The following ZNF469 variants were observed in gnomAD, a reference collection of about 807,000 sequenced individuals.
ZNF469 encodes zinc finger protein 469.
A neutral mutation model predicts 1.0 loss-of-function variants in ZNF469; 1 was observed. The ratio of observed to expected loss-of-function variants is 1.00; its 90% confidence interval spans 0.35 to 4.73. ZNF469 has a LOEUF of 4.73. Ranked by LOEUF, ZNF469 falls within the 30% of genes most tolerant of loss-of-function variation. The pLI is 0.16. For synonymous variants in ZNF469, 2,703 were observed against 2,363.4 expected (o/e 1.14, Z -4.17); for missense variants, 6,100 against 5,356.3 (o/e 1.14, Z -4.33).
At position 88,430,696 on chromosome 16, in the gene ZNF469, G is replaced by A; in HGVS notation, c.3226G>A (p.Ala1076Thr). 2.7e-6 allele frequency: 4 copies of A among 1,484,258 alleles called. No homozygotes were observed. In the South Asian group the frequency reaches 3.9e-5, roughly 14 times the overall value. 91.9% of individuals were successfully genotyped at this position (1,484,258 alleles called of 1,614,324 possible). A position where few individuals can be genotyped will look rare whatever the true frequency, so the allele number is the denominator to read the frequency against. Residue 1076 changes from alanine (A) to threonine (T), a missense_variant, in exon 3 of 3, where the codon GCG becomes ACG. Transcript: ENST00000565624. The stretch of plus-strand genomic sequence containing the variant: ...GCGGGCGGGCAGGTGCGGCTCCCTG[G>A]CGGCGGGGAGGCCCCGGCCCGGAGC... ...GRRAGRCGSLAAGRPRPGAED... is the reference protein window; with the variant it reads ...GRRAGRCGSLTAGRPRPGAED...
At chr16:88,347,971 CAG>C in the ZNF469 span, among the ~76,000 whole-genome samples, 4 of 152,232 alleles carry the variant, frequency 2.6e-5, no homozygotes, top group African/African-American at 9.6e-5. Flanking sequence ...CGCCAGGTGT[CAG>C]GAGCCCAGAG....
chr16:88,305,544 A>G, the ZNF469 span, among the ~76,000 whole-genome samples: 7 of 143,042 alleles, frequency 4.9e-5, no homozygotes, highest in African/African-American at 1.6e-4. Flanking sequence ...ACAGGCACAC[A>G]TGTGTGCACA....
chr16:88,141,243 A>G, the ZNF469 span, among the ~76,000 whole-genome samples: 1 of 152,270 alleles, frequency 6.6e-6, no homozygotes, highest in African/African-American at 2.4e-5. Flanking sequence ...CAAAAAGGAC[A>G]AGATGGACGT....
At chr16:88,390,273 G>A (rs907715369) in intron 1 of ZNF469, among the ~76,000 whole-genome samples, 10 of 152,128 alleles carry the variant, frequency 6.6e-5, no homozygotes, top group East Asian at 1.9e-4. Flanking sequence ...ACCTTCCCCA[G>A]TTCTGGATAC....
At chr16:88,284,753 C>A in the ZNF469 span, among the ~76,000 whole-genome samples, 52 of 152,214 alleles carry the variant, frequency 3.4e-4, no homozygotes, top group Non-Finnish European at 7.1e-4. Context: ...CAGGCACACT[C>A]CGCCGTGCCC....
At chr16:88,294,383 A>ACTGT in the ZNF469 span, among the ~76,000 whole-genome samples, 1 of 152,136 alleles carries the variant, frequency 6.6e-6, no homozygotes, top group African/African-American at 2.4e-5. Context: ...GTGCTGTCTT[A>ACTGT]CTGTCTCCTC....
In ZNF469 at chr16:88,440,293, G is replaced by A. The variant is rs1906909503; in HGVS notation, c.*961G>A. The A allele has an allele frequency of 6.6e-6, 1 of 152,084 alleles. No homozygotes were observed. The highest frequency in any genetic ancestry group is 6.5e-5 in the Admixed American group (1 of 15,278). 9.4% of individuals were successfully genotyped at this position (152,084 alleles called of 1,614,324 possible). A position where few individuals can be genotyped will look rare whatever the true frequency, so the allele number is the denominator to read the frequency against. ...GCACCTGCATGGCGGCGCTCTCCCT[G>A]CCTCCCCTGCCGGGCTGCAAGCCTG... On this transcript the variant is annotated 3_prime_UTR_variant, in exon 3 of 3. Coordinates refer to ENST00000565624, the MANE Select transcript of ZNF469 (RefSeq NM_001367624.2).
At chr16:88,317,702 C>T in the ZNF469 span, among the ~76,000 whole-genome samples, 1 of 152,220 alleles carries the variant, frequency 6.6e-6, no homozygotes, top group Non-Finnish European at 1.5e-5. Context: ...TCCTCTCAAC[C>T]ACAGGAAGTC....
At chr16:88,120,876 C>T in the ZNF469 span, among the ~76,000 whole-genome samples, 2 of 152,158 alleles carry the variant, frequency 1.3e-5, no homozygotes, top group African/African-American at 2.4e-5. Context: ...CCACTGGAGC[C>T]GCCTGACCTC....
At chr16:88,132,582 C>T in the ZNF469 span, among the ~76,000 whole-genome samples, 2 of 152,238 alleles carry the variant, frequency 1.3e-5, no homozygotes, top group Non-Finnish European at 2.9e-5. Context: ...AGCTCTGCTA[C>T]CGTCAGGAAA....
At chr16:88,422,775 GAT>G in intron 1 of ZNF469, among the ~76,000 whole-genome samples, 3 of 142,920 alleles carry the variant, frequency 2.1e-5, no homozygotes, top group African/African-American at 7.7e-5. Context: ...TGGATGGATG[GAT>G]GGTTGGATGG....
the ZNF469 span, among the ~76,000 whole-genome samples, chr16:88,252,405 C>A: frequency 6.6e-6 from 1 of 150,612 alleles, no homozygotes; most frequent in East Asian, 1.9e-4. Flanking sequence ...GCTGTGATTT[C>A]CACCAAGGCT....
At chr16:88,102,507 A>C in the ZNF469 span, among the ~76,000 whole-genome samples, 2 of 152,234 alleles carry the variant, frequency 1.3e-5, no homozygotes, top group African/African-American at 4.8e-5. Context: ...CGTCTCAAAA[A>C]ACAAAACAAA....
chr16:88,181,593 GA>G, the ZNF469 span, among the ~76,000 whole-genome samples: 1,206 of 152,098 alleles, frequency 7.9e-3, 26 homozygotes, highest in African/African-American at 0.028. Context: ...AGAGAAATTA[GA>G]AAAAAAATTA....
chr16:88,391,400 C>A (rs1904487785), intron 1 of ZNF469, among the ~76,000 whole-genome samples: 1 of 152,262 alleles, frequency 6.6e-6, no homozygotes, highest in African/African-American at 2.4e-5. Context: ...TCCCAGCATC[C>A]ACAGGCTCAA....
the ZNF469 span, among the ~76,000 whole-genome samples, chr16:88,341,422 C>A: frequency 2.0e-5 from 3 of 152,094 alleles, no homozygotes; most frequent in African/African-American, 7.2e-5. Context: ...GAGGCAGGGC[C>A]GGCCACTGTT....
intron 1 of ZNF469, among the ~76,000 whole-genome samples, chr16:88,399,192 C>T (rs928258437): frequency 5.3e-5 from 8 of 152,222 alleles, no homozygotes; most frequent in African/African-American, 1.7e-4. Context: ...GTGTGTTTGC[C>T]TGGCAGTCAT....
the ZNF469 span, among the ~76,000 whole-genome samples, chr16:88,198,828 C>T: frequency 2.6e-5 from 4 of 152,182 alleles, no homozygotes; most frequent in African/African-American, 7.2e-5. Context: ...CTGGTCACGC[C>T]GGGACGTTGC....
In ZNF469 at chr16:88,406,665, G is replaced by A. The variant is rs144117576; in HGVS notation, c.-191-18142G>A. On this transcript the variant is annotated intron_variant, in intron 1 of 2. Transcript: ENST00000565624. ...CCTGCAGCCCCTGCCTCCGAGGGCC[G>A]CAGAGTCCTCTCCCTGTGTGCATGT... Among the ~76,000 whole-genome samples the A allele has an allele frequency of 4.2e-3, 643 of 152,266 alleles. 3 individuals carry two copies. Among genetic ancestry groups the A allele is most frequent in the Non-Finnish European group, 6.8e-3 (462 of 68,012 alleles).
Sources: gnomAD v4.1 joint callset for allele counts (sites outside exome capture counted in the v4.1 genomes callset) on GRCh38, gnomAD v4.1.1 for gene constraint, MANE v1.5 for transcripts, NCBI Gene and HGNC (gene_info 2026-07-23, HGNC 2026-07-21) for gene names.